Variants in FHIT observed in about 807,000 individuals in gnomAD.
FHIT encodes bis(5'-adenosyl)-triphosphatase.
In FHIT, 19 loss-of-function variants were observed where a neutral mutation model predicts 17.9. The observed-to-expected ratio is 1.06, with a 90% CI of 0.74 to 1.56. The LOEUF (loss-of-function observed/expected upper bound fraction) is 1.56. Ranked by LOEUF, FHIT falls within the 40% of genes most tolerant of loss-of-function variation. FHIT has a pLI of 0.00. For synonymous variants in FHIT, 81 were observed against 69.7 expected (o/e 1.16, Z -0.81); for missense variants, 248 against 189.2 (o/e 1.31, Z -1.82).
intron 5 of FHIT, among the ~76,000 whole-genome samples, chr3:60,074,481 A>T (rs541977255): frequency 6.6e-6 from 1 of 151,854 alleles, no homozygotes; most frequent in East Asian, 1.9e-4. Flanking sequence ...GACAGACACA[A>T]ATTAAAATTT....
At chr3:61,126,474 G>C (rs2036611225) in intron 2 of FHIT, among the ~76,000 whole-genome samples, 1 of 152,106 alleles carries the variant, frequency 6.6e-6, no homozygotes, top group Non-Finnish European at 1.5e-5. Flanking sequence ...CATGGTGGCA[G>C]GCTAGAGAGA....
At chr3:60,151,421 A>C (rs62240255) in intron 5 of FHIT, among the ~76,000 whole-genome samples, 1 of 152,040 alleles carries the variant, frequency 6.6e-6, no homozygotes. Context: ...AAAGCCTCCT[A>C]ATCAGTCCAA....
At chr3:60,287,260 C>A (rs1236104298) in intron 5 of FHIT, among the ~76,000 whole-genome samples, 3 of 152,156 alleles carry the variant, frequency 2.0e-5, no homozygotes, top group Non-Finnish European at 4.4e-5. Flanking sequence ...CCTCTGCCTC[C>A]CAGGTTCAAG....
intron 3 of FHIT, among the ~76,000 whole-genome samples, chr3:60,938,690 A>C (rs1422005708): frequency 6.6e-6 from 1 of 152,154 alleles, no homozygotes; most frequent in Non-Finnish European, 1.5e-5. Flanking sequence ...AGAATACCCA[A>C]TGTCCCTTGG....
chr3:61,014,545 C>G (rs1027792275), intron 3 of FHIT, among the ~76,000 whole-genome samples: 1 of 151,314 alleles, frequency 6.6e-6, no homozygotes, highest in African/African-American at 2.4e-5. Context: ...TTTGGGAGGC[C>G]GAGACGGGCA....
chr3:61,161,737 A>T (rs894894485), intron 2 of FHIT, among the ~76,000 whole-genome samples: 4 of 152,236 alleles, frequency 2.6e-5, no homozygotes, highest in African/African-American at 9.6e-5. Context: ...CTAAATCAAA[A>T]AATAAAAATA....
intron 4 of FHIT, among the ~76,000 whole-genome samples, chr3:60,680,111 C>T (rs1344963457): frequency 6.6e-6 from 1 of 152,172 alleles, no homozygotes; most frequent in East Asian, 1.9e-4. Context: ...ATGTCTTCAA[C>T]TATTCTGGAT....
intron 4 of FHIT, among the ~76,000 whole-genome samples, chr3:60,632,259 A>T (rs1273425595): frequency 2.0e-5 from 3 of 152,162 alleles, no homozygotes; most frequent in African/African-American, 2.4e-5. Flanking sequence ...GATTTCTCTG[A>T]TTTCTGCCAG....
intron 5 of FHIT, among the ~76,000 whole-genome samples, chr3:60,284,045 A>C (rs1707597063): frequency 6.6e-6 from 1 of 152,124 alleles, no homozygotes. Flanking sequence ...AATTAATAAA[A>C]AAAACTGAAG....
intron 4 of FHIT, among the ~76,000 whole-genome samples, chr3:60,561,744 A>G (rs1393188710): frequency 6.6e-6 from 1 of 152,220 alleles, no homozygotes; most frequent in African/African-American, 2.4e-5. Flanking sequence ...TAGATGTGTC[A>G]GTAGACAACA....
chr3:60,776,028 A>AT (rs1459270224), intron 4 of FHIT, among the ~76,000 whole-genome samples: 27 of 151,816 alleles, frequency 1.8e-4, no homozygotes, highest in Non-Finnish European at 2.2e-4. Context: ...GTTAACTTAA[A>AT]TTTTTTTTTC....
chr3:60,194,061 A>AT (rs537714567), intron 5 of FHIT, among the ~76,000 whole-genome samples: 64 of 152,194 alleles, frequency 4.2e-4, no homozygotes, highest in African/African-American at 7.0e-4. Context: ...TCAAAAAACC[A>AT]TTTTTTTCAC....
rs549573405 is a variant in FHIT, at chr3:60,084,282, A to T, written c.104-70130T>A. 5.9e-5 allele frequency among the ~76,000 whole-genome samples: 9 copies of T among 152,264 alleles called. No homozygotes were observed. The East Asian group carries it at 1.7e-3, about 29-fold the overall frequency. On this transcript the variant is annotated intron_variant, in intron 5 of 9. Coordinates refer to ENST00000492590, the MANE Select transcript of FHIT (RefSeq NM_002012.4). ...AGCAAATATTACCATTGTAAGTTAC[A>T]ACAATAAAAAGGAATAAATCAAGGT...
chr3:60,015,928 G>A (rs1025540715), intron 5 of FHIT, among the ~76,000 whole-genome samples: 1 of 152,022 alleles, frequency 6.6e-6, no homozygotes, highest in Non-Finnish European at 1.5e-5. Flanking sequence ...AAACAACTCA[G>A]GGAAAGCAAA....
chr3:60,109,879 G>C (rs868092390), intron 5 of FHIT, among the ~76,000 whole-genome samples: 48 of 152,188 alleles, frequency 3.2e-4, no homozygotes, highest in Middle Eastern at 6.8e-3. Context: ...TGTATTTCTC[G>C]TACTTCCCCA....
intron 8 of FHIT, among the ~76,000 whole-genome samples, chr3:59,891,559 G>A (rs142734842): frequency 2.6e-5 from 4 of 152,288 alleles, no homozygotes; most frequent in African/African-American, 7.2e-5. Flanking sequence ...TTCCATGATA[G>A]AGGAGGCAAA....
chr3:60,703,313 C>T (rs2041292311), intron 4 of FHIT, among the ~76,000 whole-genome samples: 1 of 152,158 alleles, frequency 6.6e-6, no homozygotes, highest in African/African-American at 2.4e-5. Flanking sequence ...TGATTTTGAA[C>T]CTCTAGCTTT....
intron 3 of FHIT, among the ~76,000 whole-genome samples, chr3:60,973,395 C>T (rs1017407275): frequency 2.0e-5 from 3 of 152,076 alleles, no homozygotes; most frequent in Non-Finnish European, 4.4e-5. Context: ...ACTCCTGTAT[C>T]AGATATTTTC....
chr3:60,571,128 G>A (rs186710729), intron 4 of FHIT, among the ~76,000 whole-genome samples: 11 of 152,034 alleles, frequency 7.2e-5, no homozygotes, highest in African/African-American at 2.7e-4. Context: ...AGGTGTTCGA[G>A]ACCAGCCTGG....
Sources: gnomAD v4.1 joint callset for allele counts (sites outside exome capture counted in the v4.1 genomes callset) on GRCh38, gnomAD v4.1.1 for gene constraint, MANE v1.5 for transcripts, NCBI Gene and HGNC (gene_info 2026-07-23, HGNC 2026-07-21) for gene names.